FOXN3: variants seen among roughly 807,000 people sequenced by gnomAD.
FOXN3 encodes the protein forkhead box N3, also known as forkhead box protein N3.
Under a neutral mutation model 38.4 loss-of-function variants are expected in FOXN3, and 7 were observed. The ratio of observed to expected loss-of-function variants is 0.18; its 90% CI spans 0.10 to 0.34. The LOEUF (loss-of-function observed/expected upper bound fraction) is 0.34. Among genes scored for constraint, FOXN3 ranks in the 10% least tolerant of loss-of-function variants. FOXN3 has a pLI of 1.00. For missense variants in FOXN3, 456 were observed against 613.4 expected (o/e 0.74, Z 2.71); for synonymous variants, 230 against 242.2 (o/e 0.95, Z 0.47).
At chr14:89,255,880 C>G (rs1014317276) in intron 4 of FOXN3, among the ~76,000 whole-genome samples, 7 of 152,136 alleles carry the variant, frequency 4.6e-5, no homozygotes, top group Non-Finnish European at 1.0e-4. Context: ...TGCACAGAGA[C>G]CCTGCCATTA....
At chr14:89,568,908 T>C (rs1371718300) in intron 1 of FOXN3, among the ~76,000 whole-genome samples, 2 of 152,024 alleles carry the variant, frequency 1.3e-5, no homozygotes, top group East Asian at 3.9e-4. Flanking sequence ...ATGATTATGT[T>C]TAAAAGGCGC....
intron 1 of FOXN3, among the ~76,000 whole-genome samples, chr14:89,462,399 A>G (rs571331755): frequency 3.9e-5 from 6 of 152,242 alleles, no homozygotes; most frequent in Non-Finnish European, 4.4e-5. Flanking sequence ...CTATTATTGG[A>G]GAATATATCT....
intron 3 of FOXN3, among the ~76,000 whole-genome samples, chr14:89,318,182 G>C (rs1887786667): frequency 7.7e-6 from 1 of 130,304 alleles, no homozygotes; most frequent in African/African-American, 3.1e-5. Flanking sequence ...TTTTGAGGCG[G>C]AGTTTCACTC....
At chr14:89,379,701 T>C (rs1339467230) in intron 2 of FOXN3, among the ~76,000 whole-genome samples, 1 of 152,168 alleles carries the variant, frequency 6.6e-6, no homozygotes, top group African/African-American at 2.4e-5. Context: ...CAGGCTGGAG[T>C]GAAGTGGCAC....
rs754507477 is a variant in FOXN3 at position 89,484,689 on chromosome 14, C to A, written c.-14-72199G>T. Among the ~76,000 whole-genome samples, 12 of 152,294 alleles carry A rather than the reference C, an allele frequency of 7.9e-5. No individual in the cohort carries two copies. Among genetic ancestry groups the A allele is most frequent in the Non-Finnish European group, 7.4e-5 (5 of 68,026 alleles). ...GAACACAAATACTGCTATTCTAGTT[C>A]TTCCGCTTCCTGGTGGCTGGTGATC... is the stretch of plus-strand genomic sequence containing the variant. On this transcript the variant is annotated intron_variant, in intron 1 of 6. Coordinates refer to the FOXN3 transcript ENST00000345097. The surrounding 1 kb of genome is among the most constrained non-coding windows in gnomAD (Gnocchi z 4.0).
At chr14:89,493,411 T>C (rs147112539) in intron 1 of FOXN3, among the ~76,000 whole-genome samples, 6 of 152,250 alleles carry the variant, frequency 3.9e-5, no homozygotes, top group African/African-American at 4.8e-5. Flanking sequence ...TGAACACTCC[T>C]CCGAAATTAC....
chr14:89,270,387 T>C (rs1886112647), intron 4 of FOXN3, among the ~76,000 whole-genome samples: 1 of 152,246 alleles, frequency 6.6e-6, no homozygotes, highest in South Asian at 2.1e-4. Context: ...ATTGCAGAAA[T>C]GCTATCATAA....
chr14:89,301,941 T>G (rs569773241), intron 3 of FOXN3, among the ~76,000 whole-genome samples: 4 of 152,272 alleles, frequency 2.6e-5, no homozygotes, highest in African/African-American at 7.2e-5. Flanking sequence ...CGGTGACCTC[T>G]GGCCACCTCC....
At chr14:89,612,826 A>T (rs1034777524) in intron 1 of FOXN3, among the ~76,000 whole-genome samples, 3 of 139,904 alleles carry the variant, frequency 2.1e-5, no homozygotes, top group African/African-American at 5.1e-5. Context: ...GACCCTGCTT[A>T]AAAAAAAAAA....
At chr14:89,195,320 T>C (rs185358089) in intron 4 of FOXN3, among the ~76,000 whole-genome samples, 1 of 152,298 alleles carries the variant, frequency 6.6e-6, no homozygotes, top group Admixed American at 6.5e-5. Context: ...TCCCACTCTC[T>C]ACCTTAGGTG....
intron 1 of FOXN3, among the ~76,000 whole-genome samples, chr14:89,611,804 T>C (rs1405763550): frequency 2.8e-4 from 15 of 53,728 alleles, no homozygotes; most frequent in African/African-American, 1.2e-3. Context: ...AGACTCCGTC[T>C]CAAAAAAAAA....
chr14:89,258,728 A>G (rs1885704436), intron 4 of FOXN3, among the ~76,000 whole-genome samples: 2 of 152,258 alleles, frequency 1.3e-5, no homozygotes, highest in Admixed American at 1.3e-4. Context: ...TTCACATGAC[A>G]GTATACCTTT....
At chr14:89,468,674 A>T (rs184945621) in intron 1 of FOXN3, among the ~76,000 whole-genome samples, 1 of 152,286 alleles carries the variant, frequency 6.6e-6, no homozygotes, top group East Asian at 1.9e-4. Flanking sequence ...CTCCTGTTAT[A>T]TCTTCGTACC....
intron 4 of FOXN3, among the ~76,000 whole-genome samples, chr14:89,234,510 A>T (rs1418826622): frequency 6.6e-6 from 1 of 152,028 alleles, no homozygotes; most frequent in African/African-American, 2.4e-5. Flanking sequence ...TGGATTAATT[A>T]GGGGGGCAGA....
chr14:89,383,720 G>A (rs1890720511), intron 2 of FOXN3, among the ~76,000 whole-genome samples: 1 of 152,252 alleles, frequency 6.6e-6, no homozygotes, highest in Middle Eastern at 3.4e-3. Flanking sequence ...AATGACTTCA[G>A]AGCCCACTCA....
chr14:89,188,942 AG>A, intron 4 of FOXN3, among the ~76,000 whole-genome samples: 1 of 152,296 alleles, frequency 6.6e-6, no homozygotes, highest in Admixed American at 6.5e-5. Flanking sequence ...GAGCTAGGCC[AG>A]TGACACATCT....
At chr14:89,495,416 T>C (rs1254253287) in intron 1 of FOXN3, among the ~76,000 whole-genome samples, 1 of 152,200 alleles carries the variant, frequency 6.6e-6, no homozygotes, top group Admixed American at 6.5e-5. Context: ...ATAATAATAA[T>C]AAATTCATTC....
At chr14:89,267,347 G>A (rs1456668594) in intron 4 of FOXN3, among the ~76,000 whole-genome samples, 2 of 152,154 alleles carry the variant, frequency 1.3e-5, no homozygotes, top group Non-Finnish European at 1.5e-5. Flanking sequence ...GATCCCTGGC[G>A]CTGCAGTGGT....
intron 3 of FOXN3, among the ~76,000 whole-genome samples, chr14:89,348,640 G>A (rs1354518441): frequency 6.6e-6 from 1 of 152,100 alleles, no homozygotes; most frequent in Non-Finnish European, 1.5e-5. Flanking sequence ...GCACCGCATG[G>A]GCAGAAGCAG....
Sources: allele counts gnomAD v4.1 joint callset (sites outside exome capture counted in the v4.1 genomes callset), GRCh38; gene constraint gnomAD v4.1.1; non-coding constraint Gnocchi (gnomAD v3.1); transcripts MANE v1.5; gene names NCBI Gene and HGNC (gene_info 2026-07-23, HGNC 2026-07-21).